NALF1: variants seen among roughly 807,000 people sequenced by gnomAD.
NALF1 encodes the protein family with sequence similarity 155 member A.
A neutral mutation model predicts 48.4 loss-of-function variants in NALF1; 3 were observed. That is an observed-to-expected ratio of 0.06 (90% CI 0.03 to 0.16). The LOEUF (loss-of-function observed/expected upper bound fraction) is 0.16, where lower values mean the gene tolerates loss of function less well. NALF1 is among the 10% of genes least tolerant of loss of function. NALF1 has a pLI of 1.00. For missense variants in NALF1, 526 were observed against 571.5 expected, an observed-to-expected ratio of 0.92 and a Z score of 0.81; for synonymous variants, 262 against 245.7, an observed-to-expected ratio of 1.07 and a Z score of -0.62.
chr13:107,620,989 C>CGT (rs139779456), intron 1 of NALF1, among the ~76,000 whole-genome samples: 1,712 of 149,798 alleles, frequency 0.011, 11 homozygotes, highest in African/African-American at 0.017. Context: ...TGAGTGTGTG[C>CGT]GTGTGTGTGT....
chr13:107,726,913 TTGTGTGTGTG>T lies in NALF1; in HGVS notation c.915+138759_915+138768del, dbSNP rs1171461096. On this transcript the variant is annotated intron_variant, in intron 1 of 2. Transcript: ENST00000375915. ...GACACCACGCCCGGCCGGCAAATTC[TTGTGTGTGTG>T]TGTGTGTGTGTGTGTGTGTGTGTGT... Among the ~76,000 whole-genome samples, 363 of 126,468 alleles carry T rather than the reference TTGTGTGTGTG, an allele frequency of 2.9e-3. 1 individual carries two copies. In the East Asian group the frequency reaches 0.039, roughly 14 times the overall value. 83.0% of individuals were successfully genotyped at this position (126,468 alleles called of 152,430 possible). A position where few individuals can be genotyped will look rare whatever the true frequency, so the allele number is the denominator to read the frequency against.
rs1878666853 is a variant in NALF1, at chr13:107,166,703, T to C, written c.*3794A>G. 6.6e-6 allele frequency: 1 copy of C among 152,128 alleles called. No individual in the cohort carries two copies. Among genetic ancestry groups the C allele is most frequent in the South Asian group, 2.1e-4 (1 of 4,822 alleles). The allele number at this position is 152,128 out of a possible 1,614,324, so 9.4% of individuals were successfully genotyped here. On this transcript the variant is annotated 3_prime_UTR_variant, in exon 3 of 3. Transcript: ENST00000375915. The stretch of plus-strand genomic sequence containing the variant: ...TATGTTTTTTTCCCCCGGAAAAAAG[T>C]ATGTACTTATTCATTCATATGAAAC...
At chr13:107,590,389 A>G (rs1319128819) in intron 1 of NALF1, among the ~76,000 whole-genome samples, 1 of 152,070 alleles carries the variant, frequency 6.6e-6, no homozygotes, top group Non-Finnish European at 1.5e-5. Flanking sequence ...GAGATATTGT[A>G]TTGCCTTAAG....
chr13:107,286,508 G>A lies in NALF1; in HGVS notation c.916-75753C>T, dbSNP rs144712250. 6.7e-3 allele frequency among the ~76,000 whole-genome samples: 1,008 copies of A among 149,714 alleles called. 12 individuals are homozygous for A. Among genetic ancestry groups the A allele is most frequent in the African/African-American group, 0.023 (940 of 40,690 alleles). On this transcript the variant is annotated intron_variant, in intron 1 of 2. Transcript: ENST00000375915. ...AAAATTATCTAGGTATGGGTGGCACGCACCTGCGTTCCCAGCTACTCAGGA... is the reference window on the plus strand; with the variant it reads ...AAAATTATCTAGGTATGGGTGGCACACACCTGCGTTCCCAGCTACTCAGGA...
chr13:107,340,709 G>A (rs530715893), intron 1 of NALF1, among the ~76,000 whole-genome samples: 4 of 151,920 alleles, frequency 2.6e-5, no homozygotes, highest in South Asian at 4.2e-4. Context: ...GTGGCCATCC[G>A]AAGTCTTCAT....
intron 1 of NALF1, among the ~76,000 whole-genome samples, chr13:107,417,775 G>A (rs1488856376): frequency 1.3e-5 from 2 of 152,052 alleles, no homozygotes; most frequent in Non-Finnish European, 2.9e-5. Flanking sequence ...AAAATACATG[G>A]GCTAGCTGGG....
At position 107,370,497 on chromosome 13, in the gene NALF1, C is replaced by T. The variant is rs116793575; in HGVS notation, c.916-159742G>A. On this transcript the variant is annotated intron_variant, in intron 1 of 2. Coordinates refer to ENST00000375915, the MANE Select transcript of NALF1 (RefSeq NM_001080396.3). The stretch of plus-strand genomic sequence containing the variant: ...ATCTGTCCTGGGTGGTCACAGTGAA[C>T]TGAAATCAACATAGCCTTCAGTTAA... Among the ~76,000 whole-genome samples, 589 of 152,318 alleles carry T rather than the reference C, an allele frequency of 3.9e-3. 4 individuals carry two copies. The highest frequency in any genetic ancestry group is 0.013 in the African/African-American group (560 of 41,572).
chr13:107,354,283 T>C (rs1049375525), intron 1 of NALF1, among the ~76,000 whole-genome samples: 4 of 152,106 alleles, frequency 2.6e-5, no homozygotes, highest in African/African-American at 9.7e-5. Context: ...AGTACACTTG[T>C]GCTGCACGAC....
Position 107,760,451 on chromosome 13 carries a change from C to T in NALF1, c.915+105231G>A, listed in dbSNP as rs186916757. Reference sequence around the variant, plus strand: ...TGGATGTCTGCTATTCTAACTCAACCGAACTTCCCCCTTCCACTCTCAAAA... The same window carrying T: ...TGGATGTCTGCTATTCTAACTCAACTGAACTTCCCCCTTCCACTCTCAAAA... On this transcript the variant is annotated intron_variant, in intron 1 of 2. Coordinates refer to ENST00000375915, the MANE Select transcript of NALF1 (RefSeq NM_001080396.3). Among the ~76,000 whole-genome samples, 308 of 152,206 alleles carry T rather than the reference C, an allele frequency of 2.0e-3. 1 individual carries two copies. Among genetic ancestry groups the T allele is most frequent in the Non-Finnish European group, 3.0e-3 (201 of 68,016 alleles).
At chr13:107,433,477 A>C (rs950354148) in intron 1 of NALF1, among the ~76,000 whole-genome samples, 1 of 152,128 alleles carries the variant, frequency 6.6e-6, no homozygotes, top group African/African-American at 2.4e-5. Context: ...TAAAGAGATA[A>C]TTAGTTATTT....
At chr13:107,665,052 T>TA (rs1007924213) in intron 1 of NALF1, among the ~76,000 whole-genome samples, 5 of 152,110 alleles carry the variant, frequency 3.3e-5, no homozygotes, top group African/African-American at 1.2e-4. Flanking sequence ...TATAAGAGGA[T>TA]AAAAAAATTA....
At chr13:107,500,993 C>T (rs111386710) in intron 1 of NALF1, among the ~76,000 whole-genome samples, 11 of 151,744 alleles carry the variant, frequency 7.2e-5, no homozygotes, top group African/African-American at 2.7e-4. Context: ...AGGAGATATA[C>T]CTAATGCTAA....
chr13:107,502,243 T>G (rs998528579), intron 1 of NALF1, among the ~76,000 whole-genome samples: 3 of 152,168 alleles, frequency 2.0e-5, no homozygotes, highest in Non-Finnish European at 4.4e-5. Flanking sequence ...GTTCATATTA[T>G]GTTTTATTCC....
At chr13:107,577,993 C>A (rs557456153) in intron 1 of NALF1, among the ~76,000 whole-genome samples, 1 of 152,204 alleles carries the variant, frequency 6.6e-6, no homozygotes, top group East Asian at 1.9e-4. Context: ...TTTGAGATTC[C>A]ATTCATCTAA....
intron 1 of NALF1, among the ~76,000 whole-genome samples, chr13:107,410,126 C>T (rs1438692081): frequency 6.6e-6 from 1 of 152,064 alleles, no homozygotes; most frequent in African/African-American, 2.4e-5. Flanking sequence ...GGTGCTTGTC[C>T]AAGAAGTGGT....
chr13:107,298,616 G>A (rs9520367), intron 1 of NALF1, among the ~76,000 whole-genome samples: 3 of 151,716 alleles, frequency 2.0e-5, no homozygotes, highest in Admixed American at 6.6e-5. Flanking sequence ...ATTTTTAGTA[G>A]AGATGCGGTT....
chr13:107,839,825 G>A (rs1879996823), intron 1 of NALF1, among the ~76,000 whole-genome samples: 1 of 152,100 alleles, frequency 6.6e-6, no homozygotes, highest in African/African-American at 2.4e-5. Context: ...ATGGAACTTA[G>A]ACTACTCTGT....
At chr13:107,778,419 T>G (rs2138576095) in intron 1 of NALF1, among the ~76,000 whole-genome samples, 1 of 152,290 alleles carries the variant, frequency 6.6e-6, no homozygotes, top group Admixed American at 6.5e-5. Context: ...CTGGGAATAT[T>G]GAACTTGAAC....
intron 1 of NALF1, among the ~76,000 whole-genome samples, chr13:107,568,190 A>C (rs1447190784): frequency 6.6e-6 from 1 of 152,146 alleles, no homozygotes; most frequent in African/African-American, 2.4e-5. Flanking sequence ...CATGGTGCCC[A>C]GGCTGGTCTC....
Sources: allele counts gnomAD v4.1 joint callset (sites outside exome capture counted in the v4.1 genomes callset), GRCh38; gene constraint gnomAD v4.1.1; transcripts MANE v1.5; gene names NCBI Gene and HGNC (gene_info 2026-07-23, HGNC 2026-07-21).